GPC6: variants seen among roughly 807,000 people sequenced by gnomAD.
GPC6 encodes glypican-6.
A neutral mutation model predicts 55.2 loss-of-function variants in GPC6; 14 were observed. The observed-to-expected ratio is 0.25, with a 90% CI of 0.17 to 0.40. The LOEUF (loss-of-function observed/expected upper bound fraction) is 0.40. Ranked by LOEUF, GPC6 falls within the 10% of genes least tolerant of loss-of-function variation. The pLI is 1.00. For synonymous variants in GPC6, 278 were observed against 259.6 expected (o/e 1.07, Z -0.68); for missense variants, 641 against 708.5 (o/e 0.90, Z 1.08).
intron 3 of GPC6, among the ~76,000 whole-genome samples, chr13:93,922,079 A>AG (rs1329803005): frequency 6.6e-6 from 1 of 152,210 alleles, no homozygotes; most frequent in African/African-American, 2.4e-5. Context: ...AGAGGGATCA[A>AG]GAAAAAGAAA....
At chr13:94,186,060 CAAAAAAAAAA>C (rs3043529) in intron 4 of GPC6, among the ~76,000 whole-genome samples, 1 of 87,222 alleles carries the variant, frequency 1.1e-5, no homozygotes, top group Non-Finnish European at 2.3e-5. Flanking sequence ...ACTCCGTCTC[CAAAAAAAAAA>C]AAAAAAAAAA....
At chr13:93,535,675 CT>C (rs1362259413) in intron 1 of GPC6, among the ~76,000 whole-genome samples, 2 of 132,052 alleles carry the variant, frequency 1.5e-5, no homozygotes, top group African/African-American at 6.3e-5. Context: ...TTTGCAGATA[CT>C]TTTTTAGGAA....
At chr13:93,547,465 G>T (rs1255749911) in intron 2 of GPC6, among the ~76,000 whole-genome samples, 7 of 152,042 alleles carry the variant, frequency 4.6e-5, no homozygotes, top group Non-Finnish European at 8.8e-5. Context: ...CCCACATCTG[G>T]TTTGTCTTAT....
chr13:93,524,544 T>C (rs368518910), intron 1 of GPC6, among the ~76,000 whole-genome samples: 8 of 152,070 alleles, frequency 5.3e-5, no homozygotes, highest in African/African-American at 1.9e-4. Context: ...ACCTCTAATA[T>C]GGACAAGGAG....
intron 5 of GPC6, among the ~76,000 whole-genome samples, chr13:94,301,593 T>C (rs1875655017): frequency 6.6e-6 from 1 of 152,328 alleles, no homozygotes; most frequent in South Asian, 2.1e-4. Context: ...GCCTTACATA[T>C]TGTACTTTAT....
intron 1 of GPC6, among the ~76,000 whole-genome samples, chr13:93,394,011 C>A (rs1875751176): frequency 6.6e-6 from 1 of 152,138 alleles, no homozygotes; most frequent in Non-Finnish European, 1.5e-5. Context: ...TTAGTAATCT[C>A]TGATATTAAA....
chr13:93,369,019 C>G (rs955404188), intron 1 of GPC6, among the ~76,000 whole-genome samples: 2 of 152,020 alleles, frequency 1.3e-5, no homozygotes, highest in African/African-American at 4.8e-5. Flanking sequence ...AGAGATGTCC[C>G]TGTAACTGCT....
chr13:93,879,741 G>C (rs1027511182), intron 3 of GPC6, among the ~76,000 whole-genome samples: 6 of 152,030 alleles, frequency 3.9e-5, no homozygotes, highest in Non-Finnish European at 7.4e-5. Context: ...AAGAGCTTCT[G>C]CACAGCAAAA....
At chr13:93,843,794 C>G (rs967634853) in intron 3 of GPC6, among the ~76,000 whole-genome samples, 1 of 152,146 alleles carries the variant, frequency 6.6e-6, no homozygotes, top group Admixed American at 6.5e-5. Context: ...GGTCTGAACA[C>G]TCCTGGAGTT....
intron 1 of GPC6, among the ~76,000 whole-genome samples, chr13:93,409,811 T>C (rs1876429268): frequency 6.6e-6 from 1 of 152,226 alleles, no homozygotes; most frequent in Non-Finnish European, 1.5e-5. Flanking sequence ...AGGATAGATT[T>C]TCACGTTCAA....
chr13:94,193,573 A>C (rs981728015), intron 4 of GPC6, among the ~76,000 whole-genome samples: 1 of 152,180 alleles, frequency 6.6e-6, no homozygotes, highest in Admixed American at 6.5e-5. Flanking sequence ...GCGGCATGCC[A>C]GAATACGAAA....
intron 3 of GPC6, among the ~76,000 whole-genome samples, chr13:93,974,788 G>A (rs775974255): frequency 5.9e-5 from 9 of 151,960 alleles, no homozygotes; most frequent in Non-Finnish European, 1.0e-4. Flanking sequence ...ATTTGGAATC[G>A]AAACTATTAT....
chr13:93,973,848 T>G (rs973629419), intron 3 of GPC6, among the ~76,000 whole-genome samples: 62 of 152,080 alleles, frequency 4.1e-4, no homozygotes, highest in Non-Finnish European at 7.2e-4. Context: ...CTCAAAGGGG[T>G]ACATGATCTA....
intron 1 of GPC6, among the ~76,000 whole-genome samples, chr13:93,472,327 C>G (rs1198508288): frequency 6.6e-6 from 1 of 152,206 alleles, no homozygotes; most frequent in Non-Finnish European, 1.5e-5. Flanking sequence ...AGGCTGCACT[C>G]AGCTCATGCT....
At chr13:94,327,416 C>T (rs1466221112) in intron 6 of GPC6, among the ~76,000 whole-genome samples, 1 of 152,090 alleles carries the variant, frequency 6.6e-6, no homozygotes, top group Non-Finnish European at 1.5e-5. Flanking sequence ...TCCTCTGCAC[C>T]CACCATGTCC....
intron 2 of GPC6, among the ~76,000 whole-genome samples, chr13:93,598,144 A>AAATAAT (rs377484568): frequency 0.019 from 2,836 of 151,870 alleles, 87 homozygotes; most frequent in African/African-American, 0.065. Flanking sequence ...CTCCATCTCA[A>AAATAAT]AATAATAATA....
chr13:93,345,510 T>A (rs757252381), intron 1 of GPC6, among the ~76,000 whole-genome samples: 16 of 151,822 alleles, frequency 1.1e-4, no homozygotes, highest in Admixed American at 5.9e-4. Flanking sequence ...TGAAAAAAAA[T>A]TAAAAATTAA....
At chr13:93,317,820 T>G (rs1297897896) in intron 1 of GPC6, among the ~76,000 whole-genome samples, 2 of 152,190 alleles carry the variant, frequency 1.3e-5, no homozygotes, top group Non-Finnish European at 1.5e-5. Context: ...TCTGTCTTTT[T>G]TCCTTTTGGA....
At chr13:93,425,786 T>C (rs1220131810) in intron 1 of GPC6, among the ~76,000 whole-genome samples, 2 of 152,122 alleles carry the variant, frequency 1.3e-5, no homozygotes, top group East Asian at 3.9e-4. Flanking sequence ...CTTTCATGTG[T>C]CTCACCCCTC....
Sources: allele counts gnomAD v4.1 joint callset (sites outside exome capture counted in the v4.1 genomes callset), GRCh38; gene constraint gnomAD v4.1.1; transcripts MANE v1.5; gene names NCBI Gene and HGNC (gene_info 2026-07-23, HGNC 2026-07-21).